IGFL4: variants seen among roughly 807,000 people sequenced by gnomAD.
IGFL4 encodes insulin growth factor-like family member 4.
Under a neutral mutation model 15.4 loss-of-function variants are expected in IGFL4, and 12 were observed. The observed-to-expected ratio is 0.78, with a 90% CI of 0.50 to 1.26. The LOEUF (loss-of-function observed/expected upper bound fraction) is 1.26. Ranked by LOEUF, IGFL4 falls within the 50% of genes most tolerant of loss-of-function variation. IGFL4 has a pLI of 0.00. For synonymous variants in IGFL4, 54 were observed against 55.9 expected (o/e 0.97, Z 0.16); for missense variants, 126 against 147.8 (o/e 0.85, Z 0.76).
At chr19:46,075,215 A>G (rs1019608982) in intron 1 of IGFL4, among the ~76,000 whole-genome samples, 1 of 152,252 alleles carries the variant, frequency 6.6e-6, no homozygotes, top group Non-Finnish European at 1.5e-5. Flanking sequence ...ATAATTAATG[A>G]AAGGATATTT....
chr19:46,075,557 G>C (rs1186757885), intron 1 of IGFL4, among the ~76,000 whole-genome samples: 1 of 152,100 alleles, frequency 6.6e-6, no homozygotes, highest in African/African-American at 2.4e-5. Flanking sequence ...GACATTATTG[G>C]TTTTGGGGAG....
At position 46,040,857 on chromosome 19, in the gene IGFL4, AAG is replaced by A. The variant is rs957334761; in HGVS notation, c.19+85_19+86del. On this transcript the variant is annotated intron_variant, in intron 1 of 3. Coordinates refer to ENST00000377697, the MANE Select transcript of IGFL4 (RefSeq NM_001002923.3). This position sits in a 1 kb window ranked among gnomAD's most constrained non-coding sequence, Gnocchi z 4.1. Reference sequence around the variant, plus strand: ...GTGGGACACCAATAATTAAATAGGGAAGAGAGAATTAACTTTGAAGTTCAGAA... The same window carrying A: ...GTGGGACACCAATAATTAAATAGGGAAGAGAATTAACTTTGAAGTTCAGAA... The A allele has an allele frequency of 8.8e-6, 11 of 1,248,614 alleles. No homozygotes were observed. In the African/African-American group the frequency reaches 1.0e-4, roughly 12 times the overall value. 77.3% of individuals were successfully genotyped at this position (1,248,614 alleles called of 1,614,324 possible). A position where few individuals can be genotyped will look rare whatever the true frequency, so the allele number is the denominator to read the frequency against.
chr19:46,047,393 A>G (rs114895183), intron 2 of IGFL4, among the ~76,000 whole-genome samples: 3,729 of 151,970 alleles, frequency 0.025, 169 homozygotes, highest in African/African-American at 0.085. Context: ...ACAAGAAATA[A>G]CCAAGATAAG....
chr19:46,041,380 G>A (rs1359130008), upstream of IGFL4, among the ~76,000 whole-genome samples: 1 of 152,188 alleles, frequency 6.6e-6, no homozygotes, highest in Non-Finnish European at 1.5e-5. Flanking sequence ...CCACCCTGAA[G>A]TTTCAAGGAG....
At position 46,040,828 on chromosome 19, in the gene IGFL4, T is replaced by C. The variant is rs543226561; in HGVS notation, c.19+116A>G. The C allele has an allele frequency of 9.6e-7, 1 of 1,042,304 alleles. No homozygotes were observed. The highest frequency in any genetic ancestry group is 1.5e-6 in the Non-Finnish European group (1 of 686,808). The allele number at this position is 1,042,304 out of a possible 1,614,324, so 64.6% of individuals were successfully genotyped here. A position where few individuals can be genotyped will look rare whatever the true frequency, so the allele number is the denominator to read the frequency against. ...GTCACAGATGACATAGCAGTGATTA[T>C]GAGGTGGGACACCAATAATTAAATA... On this transcript the variant is annotated intron_variant, in intron 1 of 3. Transcript: ENST00000377697. The surrounding 1 kb of genome is among the most constrained non-coding windows in gnomAD (Gnocchi z 4.1).
chr19:46,052,402 C>T (rs1969353542), intron 2 of IGFL4, among the ~76,000 whole-genome samples: 1 of 152,146 alleles, frequency 6.6e-6, no homozygotes, highest in South Asian at 2.1e-4. Context: ...ATCATTGGGA[C>T]AACAATTAAA....
rs577625220 is a variant in IGFL4 at position 46,061,968 on chromosome 19, A to G, written c.-431-1675T>C. 2.0e-5 allele frequency among the ~76,000 whole-genome samples: 3 copies of G among 152,318 alleles called. No individual in the cohort carries two copies. The East Asian group carries it at 5.8e-4, about 29-fold the overall frequency. Reference sequence around the variant, plus strand: ...TCCCCCAAATCAAAACCATCACATAACACAATGCGAAACAGAACAGAGTCT... The same window carrying G: ...TCCCCCAAATCAAAACCATCACATAGCACAATGCGAAACAGAACAGAGTCT... On this transcript the variant is annotated intron_variant, in intron 1 of 5. Coordinates refer to the IGFL4 transcript ENST00000601672.
At position 46,040,169 on chromosome 19, in the gene IGFL4, C is replaced by T; in HGVS notation, c.318G>A (p.Arg106=). 1 of 1,613,820 alleles carries T rather than the reference C, an allele frequency of 6.2e-7. No individual in the cohort carries two copies. Among genetic ancestry groups the T allele is most frequent in the East Asian group, 2.2e-5 (1 of 44,890 alleles). Residue 106 remains arginine, a synonymous_variant, in exon 3 of 4, where the codon AGG becomes AGA. Transcript: ENST00000377697. The surrounding 1 kb of genome is among the most constrained non-coding windows in gnomAD (Gnocchi z 4.1). ...KPDCKSSPIT[R]ICAQEYHPKS... ...GTCAGATCCTTACCTGGGCACAGAT[C>T]CTGGTGATAGGGGAGGACTTGCAAT...
upstream of IGFL4, among the ~76,000 whole-genome samples, chr19:46,043,827 T>C (rs1969271447): frequency 6.6e-6 from 1 of 152,106 alleles, no homozygotes. Flanking sequence ...CTATACATTT[T>C]CTAGAAGAAA....
intron 2 of IGFL4, among the ~76,000 whole-genome samples, chr19:46,050,815 A>C (rs1969338917): frequency 6.6e-6 from 1 of 152,212 alleles, no homozygotes; most frequent in African/African-American, 2.4e-5. Context: ...AAGAAGCTCA[A>C]CGGACACCTG....
intron 1 of IGFL4, among the ~76,000 whole-genome samples, chr19:46,065,409 C>T (rs1274335208): frequency 2.0e-5 from 3 of 152,212 alleles, no homozygotes; most frequent in African/African-American, 4.8e-5. Context: ...GCAACCTCTG[C>T]GTCCTGTGTT....
chr19:46,073,328 C>A (rs543685853), intron 1 of IGFL4, among the ~76,000 whole-genome samples: 2 of 152,150 alleles, frequency 1.3e-5, no homozygotes, highest in South Asian at 4.1e-4. Flanking sequence ...CCCTAATAGG[C>A]CTCCTTATTC....
chr19:46,066,833 G>A (rs1345589405), intron 1 of IGFL4, among the ~76,000 whole-genome samples: 1 of 152,204 alleles, frequency 6.6e-6, no homozygotes, highest in East Asian at 1.9e-4. Context: ...ATTTCAACAT[G>A]AGATTTGGAG....
chr19:46,064,164 C>CTTATT (rs57245857), intron 1 of IGFL4, among the ~76,000 whole-genome samples: 1 of 151,484 alleles, frequency 6.6e-6, no homozygotes, highest in African/African-American at 2.4e-5. Flanking sequence ...AATATTTATT[C>CTTATT]TTAATTTTAA....
chr19:46,045,170 C>T (rs528467912), upstream of IGFL4, among the ~76,000 whole-genome samples: 14 of 152,182 alleles, frequency 9.2e-5, no homozygotes, highest in South Asian at 2.1e-4. Flanking sequence ...ATAGGCCAGG[C>T]GCAGTGGCTC....
upstream of IGFL4, among the ~76,000 whole-genome samples, chr19:46,044,375 G>C (rs1197541708): frequency 6.6e-6 from 1 of 152,146 alleles, no homozygotes; most frequent in Non-Finnish European, 1.5e-5. Context: ...TGAATCCAGA[G>C]AACCAAGCAG....
chr19:46,050,404 A>G (rs1366364416), intron 2 of IGFL4, among the ~76,000 whole-genome samples: 1 of 152,208 alleles, frequency 6.6e-6, no homozygotes, highest in Non-Finnish European at 1.5e-5. Context: ...AGTCCAACTT[A>G]AAGAAATAAA....
intron 1 of IGFL4, among the ~76,000 whole-genome samples, chr19:46,065,111 A>G (rs909541229): frequency 6.6e-6 from 1 of 152,074 alleles, no homozygotes; most frequent in African/African-American, 2.4e-5. Context: ...GTCTATTCAG[A>G]TCTTTCACCG....
At chr19:46,062,958 G>C (rs1443437279) in intron 1 of IGFL4, 1 of 134,066 alleles carries the variant, frequency 7.5e-6, no homozygotes, top group Non-Finnish European at 1.6e-5. Flanking sequence ...AATCCAAAGA[G>C]AATAGCACTT....
Sources: allele counts gnomAD v4.1 joint callset (sites outside exome capture counted in the v4.1 genomes callset), GRCh38; gene constraint gnomAD v4.1.1; non-coding constraint Gnocchi (gnomAD v3.1); transcripts MANE v1.5; gene names NCBI Gene and HGNC (gene_info 2026-07-23, HGNC 2026-07-21).